The following CREB5 variants were observed in gnomAD, a reference collection of about 807,000 sequenced individuals.
The protein encoded by CREB5 is cAMP responsive element binding protein 5, also known as cyclic AMP-responsive element-binding protein 5.
Under a neutral mutation model 57.1 loss-of-function variants are expected in CREB5, and 19 were observed. That is an observed-to-expected ratio of 0.33 (90% confidence interval 0.23 to 0.49). The LOEUF is 0.49. Ranked by LOEUF, CREB5 falls within the 20% of genes least tolerant of loss-of-function variation. The pLI is 0.99. For synonymous variants in CREB5, 238 were observed against 238.3 expected (o/e 1.00, Z 0.01); for missense variants, 579 against 671.6 (o/e 0.86, Z 1.52).
chr7:28,310,277 T>C (rs2127981253), intron 1 of CREB5, among the ~76,000 whole-genome samples: 1 of 152,348 alleles, frequency 6.6e-6, no homozygotes, highest in Non-Finnish European at 1.5e-5. Context: ...AGTGTTCATT[T>C]GGCCTTTGAC....
intron 3 of CREB5, among the ~76,000 whole-genome samples, chr7:28,496,497 G>A (rs1827599): frequency 0.46 from 69,743 of 151,980 alleles, 18,501 homozygotes; most frequent in African/African-American, 0.74. Context: ...TTATTGACAG[G>A]GGAGGAAGGG....
At chr7:28,515,663 T>C (rs1459820677) in intron 4 of CREB5, among the ~76,000 whole-genome samples, 1 of 152,140 alleles carries the variant, frequency 6.6e-6, no homozygotes, top group East Asian at 1.9e-4. Context: ...GTTCCACTCC[T>C]TAGGTCCAAT....
chr7:28,673,630 G>T (rs969007993), intron 5 of CREB5, among the ~76,000 whole-genome samples: 1 of 141,732 alleles, frequency 7.1e-6, no homozygotes, highest in Non-Finnish European at 1.5e-5. Context: ...AGCAGAGCCC[G>T]TGTTGACATG....
intron 1 of CREB5, among the ~76,000 whole-genome samples, chr7:28,454,516 C>T (rs1396602838): frequency 6.6e-6 from 1 of 152,160 alleles, no homozygotes; most frequent in African/African-American, 2.4e-5. Context: ...CCTCCTCATC[C>T]ATGTTCGCCA....
intron 7 of CREB5, among the ~76,000 whole-genome samples, chr7:28,772,686 G>A (rs977910678): frequency 6.6e-6 from 1 of 152,218 alleles, no homozygotes; most frequent in Admixed American, 6.5e-5. Flanking sequence ...GAGCAAAGCA[G>A]TAAAGCCTTT....
At chr7:28,375,780 C>A (rs548641483) in intron 1 of CREB5, among the ~76,000 whole-genome samples, 14 of 150,130 alleles carry the variant, frequency 9.3e-5, no homozygotes, top group Middle Eastern at 3.5e-3. Flanking sequence ...CTGGAATGTT[C>A]CTAGACCAGG....
intron 1 of CREB5, among the ~76,000 whole-genome samples, chr7:28,440,333 T>C (rs1355601438): frequency 6.6e-6 from 1 of 152,152 alleles, no homozygotes; most frequent in Non-Finnish European, 1.5e-5. Flanking sequence ...AAAATGGTAG[T>C]TCAACTTAAT....
At chr7:28,466,714 G>A (rs1242216447) in intron 1 of CREB5, among the ~76,000 whole-genome samples, 1 of 152,138 alleles carries the variant, frequency 6.6e-6, no homozygotes, top group African/African-American at 2.4e-5. Context: ...TACCGGAAGG[G>A]CGCTTAGACG....
intron 1 of CREB5, among the ~76,000 whole-genome samples, chr7:28,392,927 A>ATTTT (rs11289159): frequency 6.8e-6 from 1 of 146,056 alleles, no homozygotes; most frequent in African/African-American, 2.5e-5. Flanking sequence ...CAAAGCAGCA[A>ATTTT]TTTTTTTTTT....
At chr7:28,661,467 C>T (rs571955607) in intron 5 of CREB5, among the ~76,000 whole-genome samples, 1 of 140,230 alleles carries the variant, frequency 7.1e-6, no homozygotes. Context: ...GCTCTATGTA[C>T]ATGTCAAGGG....
At chr7:28,540,781 G>A (rs982079870) in intron 4 of CREB5, among the ~76,000 whole-genome samples, 1 of 152,140 alleles carries the variant, frequency 6.6e-6, no homozygotes, top group African/African-American at 2.4e-5. Flanking sequence ...ATTGTAAGAA[G>A]GTCAGAAAGG....
chr7:28,511,643 C>T (rs1792704754), intron 4 of CREB5, among the ~76,000 whole-genome samples: 1 of 152,202 alleles, frequency 6.6e-6, no homozygotes, highest in Admixed American at 6.5e-5. Context: ...CACCACCATG[C>T]CCGGCTCATT....
At chr7:28,704,524 T>C (rs1802012150) in intron 5 of CREB5, among the ~76,000 whole-genome samples, 1 of 152,042 alleles carries the variant, frequency 6.6e-6, no homozygotes, top group Non-Finnish European at 1.5e-5. Context: ...AGTGACACGA[T>C]CATAGCTCAC....
intron 1 of CREB5, among the ~76,000 whole-genome samples, chr7:28,445,204 A>C (rs1280769268): frequency 6.6e-6 from 1 of 152,160 alleles, no homozygotes; most frequent in African/African-American, 2.4e-5. Context: ...ACTGCGAGTC[A>C]ATTAAACCTG....
intron 1 of CREB5, among the ~76,000 whole-genome samples, chr7:28,342,882 C>G (rs865790172): frequency 2.0e-4 from 30 of 152,170 alleles, no homozygotes; most frequent in Admixed American, 2.6e-4. Context: ...ATAAGTCTAT[C>G]ATTTCTTTGT....
chr7:28,472,819 A>G (rs1353811148), intron 1 of CREB5, among the ~76,000 whole-genome samples: 1 of 152,118 alleles, frequency 6.6e-6, no homozygotes, highest in East Asian at 1.9e-4. Flanking sequence ...TCTGAGAATC[A>G]ATCTTAGCCC....
intron 5 of CREB5, among the ~76,000 whole-genome samples, chr7:28,660,158 A>G (rs1362659547): frequency 6.6e-6 from 1 of 152,228 alleles, no homozygotes; most frequent in East Asian, 1.9e-4. Flanking sequence ...CATTGCTATG[A>G]TAGCTTATAG....
At chr7:28,429,979 T>C (rs1788652236) in intron 1 of CREB5, among the ~76,000 whole-genome samples, 1 of 152,118 alleles carries the variant, frequency 6.6e-6, no homozygotes, top group South Asian at 2.1e-4. Flanking sequence ...CAGGAAAGGA[T>C]TGTTAGCTCA....
At chr7:28,538,251 G>A (rs542560705) in intron 4 of CREB5, among the ~76,000 whole-genome samples, 4 of 152,000 alleles carry the variant, frequency 2.6e-5, no homozygotes, top group South Asian at 4.2e-4. Flanking sequence ...ACAGAGTTTC[G>A]CCATGTTGGC....
Sources: gnomAD v4.1 joint callset for allele counts (sites outside exome capture counted in the v4.1 genomes callset) on GRCh38, gnomAD v4.1.1 for gene constraint, MANE v1.5 for transcripts, NCBI Gene and HGNC (gene_info 2026-07-23, HGNC 2026-07-21) for gene names.